GOSR2: variants seen among roughly 807,000 people sequenced by gnomAD.
The protein encoded by GOSR2 is golgi SNAP receptor complex member 2.
In GOSR2, 20 loss-of-function variants were observed where a neutral mutation model predicts 27.9. The observed-to-expected ratio is 0.72, with a 90% confidence interval of 0.50 to 1.04. GOSR2 has a LOEUF of 1.04. GOSR2 is among the 50% of genes least tolerant of loss of function. The pLI is 0.00. For missense variants in GOSR2, 261 were observed against 270.5 expected (o/e 0.97, Z 0.25); for synonymous variants, 91 against 98.8 (o/e 0.92, Z 0.47).
intron 3 of GOSR2, 49 bp downstream of exon 3, chr17:46,931,256 C>G (rs1415348110): frequency 1.1e-6 from 1 of 894,420 alleles, no homozygotes. Context: ...CCCATCAAGA[C>G]AGGCTTTTCT....
At chr17:46,958,686 T>C (rs1036151827) in intron 6 of GOSR2, among the ~76,000 whole-genome samples, 2 of 152,216 alleles carry the variant, frequency 1.3e-5, no homozygotes, top group African/African-American at 4.8e-5. Flanking sequence ...ACAAGAGTTC[T>C]CCCTAGCCTC....
In GOSR2 at chr17:46,940,272, T is replaced by C. The variant is rs562578450; in HGVS notation, c.*1512T>C. The C allele has an allele frequency of 1.5e-5, 22 of 1,431,306 alleles. No homozygotes were observed. In the East Asian group the frequency reaches 5.0e-4, roughly 33 times the overall value. 88.7% of individuals were successfully genotyped at this position (1,431,306 alleles called of 1,614,324 possible). A position where few individuals can be genotyped will look rare whatever the true frequency, so the allele number is the denominator to read the frequency against. ...CACTTTCGGTTGGAGGAGATCTCCA[T>C]TGTTCCTACCCCTCCGGGCCAAATG... is the stretch of plus-strand genomic sequence containing the variant. On this transcript the variant is annotated 3_prime_UTR_variant, in exon 6 of 6. Coordinates refer to ENST00000640051, the MANE Select transcript of GOSR2 (RefSeq NM_004287.5).
intron 5 of GOSR2, chr17:46,935,736 A>G (rs992710610): frequency 8.1e-6 from 8 of 988,002 alleles, no homozygotes; most frequent in Non-Finnish European, 9.6e-6. Context: ...AGCCTTAGGT[A>G]TTCCTAGAAG....
downstream of GOSR2, among the ~76,000 whole-genome samples, chr17:46,967,236 C>T (rs1568218722): frequency 6.6e-6 from 1 of 152,214 alleles, no homozygotes; most frequent in South Asian, 2.1e-4. Context: ...ACCAGTCTGC[C>T]TGGGTTTGGA....
intron 2 of GOSR2, chr17:46,930,569 T>C (rs1053831528): frequency 2.6e-5 from 4 of 154,858 alleles, no homozygotes; most frequent in Admixed American, 6.4e-5. Context: ...CCACCCATTC[T>C]TACAGAAAGC....
intron 4 of GOSR2, 51 bp downstream of exon 4, chr17:46,932,250 G>A: frequency 3.7e-6 from 6 of 1,609,026 alleles, no homozygotes; most frequent in Non-Finnish European, 5.1e-6. Flanking sequence ...GATCGTGGGG[G>A]CTGGAGTTCA....
intron 3 of GOSR2, 183 bp downstream of exon 3, chr17:46,931,390 G>C: frequency 3.2e-6 from 2 of 619,596 alleles, no homozygotes; most frequent in East Asian, 5.5e-5. Flanking sequence ...AAAATAAATA[G>C]CCTGTGAGGT....
Position 46,941,496 on chromosome 17 carries a change from G to A in GOSR2, c.*2736G>A. 1 of 876,812 alleles carries A rather than the reference G, an allele frequency of 1.1e-6. No homozygotes were observed. Among genetic ancestry groups the A allele is most frequent in the Non-Finnish European group, 1.4e-6 (1 of 730,750 alleles). 54.3% of individuals were successfully genotyped at this position (876,812 alleles called of 1,614,324 possible). ...GGCTGGCTGCTTCAGAAGCAGTGGG[G>A]AAGCTTTTTAAAATTACATATTCCT... On this transcript the variant is annotated 3_prime_UTR_variant, in exon 6 of 6. Transcript: ENST00000640051.
downstream of GOSR2, among the ~76,000 whole-genome samples, chr17:46,971,880 C>A (rs373415059): frequency 7.9e-5 from 12 of 152,342 alleles, no homozygotes; most frequent in East Asian, 1.7e-3. Flanking sequence ...CTGTTGGGCA[C>A]CTCTCCCTCC....
At position 46,940,407 on chromosome 17, in the gene GOSR2, A is replaced by T. The variant is rs928622225; in HGVS notation, c.*1647A>T. ...TGGACTGGGGGGTTGCAGCATCTTTAGACCTAGATCTGTCTAACTCTGGGG... is the reference window on the plus strand; with the variant it reads ...TGGACTGGGGGGTTGCAGCATCTTTTGACCTAGATCTGTCTAACTCTGGGG... On this transcript the variant is annotated 3_prime_UTR_variant, in exon 6 of 6. Coordinates refer to ENST00000640051, the MANE Select transcript of GOSR2 (RefSeq NM_004287.5). 2 of 1,581,018 alleles carry T rather than the reference A, an allele frequency of 1.3e-6. No homozygotes were observed. The highest frequency in any genetic ancestry group is 1.3e-5 in the African/African-American group (1 of 74,506).
At chr17:46,957,842 C>A (rs2090819257) in intron 6 of GOSR2, among the ~76,000 whole-genome samples, 1 of 152,206 alleles carries the variant, frequency 6.6e-6, no homozygotes, top group Admixed American at 6.5e-5. Context: ...ATGATCCAGA[C>A]ATCTCCATGG....
chr17:46,927,844 TC>T (rs1200326607), intron 1 of GOSR2, among the ~76,000 whole-genome samples: 1 of 152,080 alleles, frequency 6.6e-6, no homozygotes, highest in Non-Finnish European at 1.5e-5. Flanking sequence ...ATTCTTTACC[TC>T]CCCCCTTTTT....
chr17:46,957,056 C>A (rs2090764231), intron 6 of GOSR2, among the ~76,000 whole-genome samples: 1 of 152,168 alleles, frequency 6.6e-6, no homozygotes, highest in South Asian at 2.1e-4. Flanking sequence ...CACTTGTAGT[C>A]CCAGCACTTT....
intron 1 of GOSR2, among the ~76,000 whole-genome samples, chr17:46,926,053 A>G (rs1363739357): frequency 6.6e-6 from 1 of 152,200 alleles, no homozygotes; most frequent in Non-Finnish European, 1.5e-5. Context: ...GAAGCACTAC[A>G]TTTAACAAGC....
intron 6 of GOSR2, among the ~76,000 whole-genome samples, chr17:46,950,452 C>G (rs1049258481): frequency 2.0e-5 from 3 of 152,184 alleles, no homozygotes; most frequent in South Asian, 2.1e-4. Flanking sequence ...GAGCCAAAAG[C>G]CCATACTACA....
chr17:46,931,434 T>G (rs2087363897), intron 3 of GOSR2: 6 of 559,914 alleles, frequency 1.1e-5, no homozygotes, highest in Non-Finnish European at 1.9e-5. Flanking sequence ...CCCTTACCTC[T>G]TTGGTGTCAT....
intron 4 of GOSR2, chr17:46,932,521 A>G: frequency 3.5e-6 from 2 of 564,734 alleles, no homozygotes; most frequent in Non-Finnish European, 3.1e-6. Context: ...AGATAGAGAC[A>G]GATGATTAGA....
At chr17:46,942,925 T>C (rs543020865), downstream of GOSR2, among the ~76,000 whole-genome samples, 3 of 152,240 alleles carry the variant, frequency 2.0e-5, no homozygotes, top group South Asian at 4.1e-4. Context: ...GAGCCATCCC[T>C]CCCCGCCTCA....
chr17:46,935,579 T>C (rs2088179103), intron 5 of GOSR2: 2 of 1,125,652 alleles, frequency 1.8e-6, no homozygotes, highest in Admixed American at 9.0e-5. Context: ...GTGGACTGCC[T>C]TATAACTAAA....
Sources: allele counts gnomAD v4.1 joint callset (sites outside exome capture counted in the v4.1 genomes callset), GRCh38; gene constraint gnomAD v4.1.1; transcripts MANE v1.5; gene names NCBI Gene and HGNC (gene_info 2026-07-23, HGNC 2026-07-21).